CNTLN: variants seen among roughly 807,000 people sequenced by gnomAD.
The protein encoded by CNTLN is centlein, centrosomal protein.
Under a neutral mutation model 180.0 loss-of-function variants are expected in CNTLN, and 212 were observed. The ratio of observed to expected loss-of-function variants is 1.18; its 90% CI spans 1.05 to 1.32. CNTLN has a LOEUF of 1.32. Among genes scored for constraint, CNTLN ranks in the 40% most tolerant of loss-of-function variants. The pLI, the probability that CNTLN is intolerant of heterozygous loss-of-function variation, is 0.00. For synonymous variants in CNTLN, 722 were observed against 563.1 expected, an observed-to-expected ratio of 1.28 and a Z score of -3.99; for missense variants, 2,095 against 1,610.9, an observed-to-expected ratio of 1.30 and a Z score of -5.14.
intron 24 of CNTLN, among the ~76,000 whole-genome samples, chr9:17,484,822 G>A (rs1486122464): frequency 6.6e-6 from 1 of 151,924 alleles, no homozygotes; most frequent in Non-Finnish European, 1.5e-5. Flanking sequence ...AATGGATTTA[G>A]TTAAGCTGAT....
chr9:17,299,183 C>T lies in CNTLN; in HGVS notation c.1146+831C>T, dbSNP rs912756839. On this transcript the variant is annotated intron_variant, in intron 7 of 25. Coordinates refer to ENST00000380647, the MANE Select transcript of CNTLN (RefSeq NM_017738.4). ...ACTTGAACCTGGGAGGCGGAGGTCG[C>T]AGTGAGCCAAGATCGCACCATTGCA... The T allele has an allele frequency of 3.2e-5, 5 of 153,972 alleles. No individual in the cohort carries two copies. In the South Asian group the frequency reaches 1.1e-3, roughly 33 times the overall value. 9.5% of individuals were successfully genotyped at this position (153,972 alleles called of 1,614,324 possible).
At position 17,364,284 on chromosome 9, in the gene CNTLN, T is replaced by C. The variant is rs545596969; in HGVS notation, c.1887-2333T>C. ...GCTTTCTATACTTCTTATTGCAACA[T>C]GTTTTGTATACCTCTACTGTTTTCC... On this transcript the variant is annotated intron_variant, in intron 12 of 25. Coordinates refer to ENST00000380647, the MANE Select transcript of CNTLN (RefSeq NM_017738.4). Among the ~76,000 whole-genome samples, 7 of 152,254 alleles carry C rather than the reference T, an allele frequency of 4.6e-5. No individual in the cohort carries two copies. The South Asian group carries it at 8.3e-4, about 18-fold the overall frequency.
chr9:17,266,018 C>G (rs898225454), intron 5 of CNTLN, among the ~76,000 whole-genome samples: 1 of 151,832 alleles, frequency 6.6e-6, no homozygotes, highest in Non-Finnish European at 1.5e-5. Context: ...TTTTGAAGGG[C>G]TTTTTGTGTT....
At chr9:17,376,525 C>T (rs1187214173) in intron 13 of CNTLN, among the ~76,000 whole-genome samples, 1 of 151,474 alleles carries the variant, frequency 6.6e-6, no homozygotes. Flanking sequence ...CATCTCGTCT[C>T]ACTGCAAGCT....
chr9:17,528,126 C>T, the CNTLN span, among the ~76,000 whole-genome samples: 1 of 151,864 alleles, frequency 6.6e-6, no homozygotes, highest in South Asian at 2.1e-4. Flanking sequence ...GAAACTCTGC[C>T]CTCAAAAGGG....
chr9:17,446,026 C>T (rs1015206554), intron 18 of CNTLN, among the ~76,000 whole-genome samples: 1 of 152,182 alleles, frequency 6.6e-6, no homozygotes, highest in African/African-American at 2.4e-5. Context: ...AAAAGCACAG[C>T]ACTTAATCCT....
At chr9:17,274,006 G>C (rs559622026) in intron 6 of CNTLN, 140 bp downstream of exon 6, 1 of 671,656 alleles carries the variant, frequency 1.5e-6, no homozygotes, top group East Asian at 3.4e-5. Context: ...TTGAGAATCT[G>C]GAGTTATTTA....
intron 5 of CNTLN, among the ~76,000 whole-genome samples, chr9:17,245,205 A>AT (rs1174344792): frequency 6.6e-6 from 1 of 151,752 alleles, no homozygotes; most frequent in African/African-American, 2.4e-5. Flanking sequence ...AAATTGAAGA[A>AT]TTTTTTTTAG....
intron 19 of CNTLN, among the ~76,000 whole-genome samples, chr9:17,462,619 A>G (rs1434824729): frequency 6.6e-6 from 1 of 151,602 alleles, no homozygotes; most frequent in Non-Finnish European, 1.5e-5. Flanking sequence ...TTATTCACAT[A>G]TTTACATTAT....
chr9:17,385,386 C>A (rs78397963), intron 13 of CNTLN, among the ~76,000 whole-genome samples: 3,362 of 152,280 alleles, frequency 0.022, 112 homozygotes, highest in African/African-American at 0.076. Context: ...TTAAAACCAT[C>A]TAATCACATG....
At chr9:17,258,509 G>T (rs1826690396) in intron 5 of CNTLN, among the ~76,000 whole-genome samples, 1 of 151,232 alleles carries the variant, frequency 6.6e-6, no homozygotes, top group African/African-American at 2.5e-5. Flanking sequence ...TTCCAATTCT[G>T]TGAAGAAAGT....
intron 2 of CNTLN, among the ~76,000 whole-genome samples, chr9:17,199,604 C>G (rs1406929422): frequency 1.3e-5 from 2 of 152,084 alleles, no homozygotes; most frequent in African/African-American, 2.4e-5. Flanking sequence ...AGATGATGAG[C>G]TTTTTTTCTA....
At chr9:17,522,650 C>T in the CNTLN span, among the ~76,000 whole-genome samples, 238 of 151,946 alleles carry the variant, frequency 1.6e-3, 1 homozygote, top group African/African-American at 5.3e-3. Context: ...GGCACACAAC[C>T]GAAAGTCGGC....
intron 18 of CNTLN, among the ~76,000 whole-genome samples, chr9:17,438,498 A>C: frequency 6.6e-6 from 1 of 152,170 alleles, no homozygotes; most frequent in East Asian, 1.9e-4. Flanking sequence ...ATTTGTGACA[A>C]TGTAATACAC....
intron 8 of CNTLN, among the ~76,000 whole-genome samples, chr9:17,311,451 GTTTT>G (rs112794584): frequency 7.5e-6 from 1 of 133,812 alleles, no homozygotes; most frequent in Non-Finnish European, 1.6e-5. Context: ...GGGTTTTTCT[GTTTT>G]TTTTTTTTTT....
intron 2 of CNTLN, among the ~76,000 whole-genome samples, chr9:17,225,893 T>C (rs917690501): frequency 6.6e-6 from 1 of 152,018 alleles, no homozygotes; most frequent in Non-Finnish European, 1.5e-5. Flanking sequence ...ATATGAAAGC[T>C]TAAATTAACA....
intron 8 of CNTLN, among the ~76,000 whole-genome samples, chr9:17,327,444 G>A (rs1007689360): frequency 2.7e-5 from 4 of 149,664 alleles, no homozygotes; most frequent in African/African-American, 9.8e-5. Context: ...TCGGCCTCCC[G>A]AAGTGCTGGG....
rs975827622 is a variant in CNTLN, at chr9:17,206,678, AATTTGAACTCAATTGACC to A, written c.450-19505_450-19488del. Reference sequence around the variant, plus strand: ...AATGTGGAGGTAAAGTTAAATATTAAATTTGAACTCAATTGACCATTTGAACTCAATTGACCACAAACA... The same window carrying A: ...AATGTGGAGGTAAAGTTAAATATTAAATTTGAACTCAATTGACCACAAACA... On this transcript the variant is annotated intron_variant, in intron 2 of 25. Transcript: ENST00000380647. 3.9e-5 allele frequency among the ~76,000 whole-genome samples: 6 copies of A among 152,276 alleles called. 1 individual carries two copies. The highest frequency in any genetic ancestry group is 4.4e-5 in the Non-Finnish European group (3 of 68,022).
chr9:17,350,045 A>G (rs1243074959), intron 12 of CNTLN, among the ~76,000 whole-genome samples: 2 of 152,204 alleles, frequency 1.3e-5, no homozygotes, highest in African/African-American at 2.4e-5. Flanking sequence ...TTGCCTTACC[A>G]ATGCTAAATT....
Sources: gnomAD v4.1 joint callset for allele counts (sites outside exome capture counted in the v4.1 genomes callset) on GRCh38, gnomAD v4.1.1 for gene constraint, MANE v1.5 for transcripts, NCBI Gene and HGNC (gene_info 2026-07-23, HGNC 2026-07-21) for gene names.